STX12: variants seen among roughly 807,000 people sequenced by gnomAD.
The protein encoded by STX12 is syntaxin 12.
Under a neutral mutation model 42.2 loss-of-function variants are expected in STX12, and 17 were observed. That is an observed-to-expected ratio of 0.40 (90% CI 0.28 to 0.60). STX12 has a LOEUF of 0.60. Among genes scored for constraint, STX12 ranks in the 20% least tolerant of loss-of-function variants. The pLI, the probability that STX12 is intolerant of heterozygous loss-of-function variation, is 0.39. For synonymous variants in STX12, 108 were observed against 116.7 expected (o/e 0.93, Z 0.48); for missense variants, 297 against 330.9 (o/e 0.90, Z 0.79).
intron 1 of STX12, among the ~76,000 whole-genome samples, chr1:27,786,011 C>T (rs905171173): frequency 1.3e-5 from 2 of 152,170 alleles, no homozygotes; most frequent in African/African-American, 2.4e-5. Context: ...CATTCTTTTT[C>T]CTGTAAGAGT....
At chr1:27,783,520 G>A (rs1305531936) in intron 1 of STX12, among the ~76,000 whole-genome samples, 1 of 152,078 alleles carries the variant, frequency 6.6e-6, no homozygotes, top group Non-Finnish European at 1.5e-5. Flanking sequence ...TTTTAGTAGA[G>A]ATGGGGTTTC....
chr1:27,815,425 T>TA (rs1304694128), intron 6 of STX12, among the ~76,000 whole-genome samples: 1 of 152,234 alleles, frequency 6.6e-6, no homozygotes, highest in African/African-American at 2.4e-5. Flanking sequence ...ATTTGCTCTT[T>TA]AACTGAGTTG....
intron 1 of STX12, among the ~76,000 whole-genome samples, chr1:27,778,105 G>A (rs2088639247): frequency 1.3e-5 from 2 of 152,116 alleles, no homozygotes; most frequent in South Asian, 2.1e-4. Context: ...GCAAGGACTT[G>A]TACCCATTAA....
At chr1:27,808,073 G>A (rs2148605344) in intron 4 of STX12, among the ~76,000 whole-genome samples, 1 of 152,198 alleles carries the variant, frequency 6.6e-6, no homozygotes, top group Middle Eastern at 3.4e-3. Context: ...AGGGAGGGAT[G>A]GAGTTGTGAT....
chr1:27,807,722 A>T (rs1386094378), intron 4 of STX12, among the ~76,000 whole-genome samples: 1 of 152,206 alleles, frequency 6.6e-6, no homozygotes, highest in East Asian at 1.9e-4. Flanking sequence ...TTATACCAGG[A>T]TGTATGTACA....
intron 1 of STX12, among the ~76,000 whole-genome samples, chr1:27,780,758 C>G (rs1465174812): frequency 2.1e-4 from 32 of 151,850 alleles, no homozygotes; most frequent in African/African-American, 6.8e-4. Context: ...TTGAGACCAG[C>G]CTGGGCAACT....
intron 4 of STX12, among the ~76,000 whole-genome samples, chr1:27,808,311 T>TTTTATTTA (rs34435449): frequency 0.014 from 2,024 of 144,224 alleles, 24 homozygotes; most frequent in East Asian, 0.03. Flanking sequence ...TTGCTTTGTT[T>TTTTATTTA]TTTATTTATT....
At chr1:27,800,211 T>C (rs996900957) in intron 3 of STX12, among the ~76,000 whole-genome samples, 9 of 152,338 alleles carry the variant, frequency 5.9e-5, no homozygotes, top group African/African-American at 2.2e-4. Context: ...CACACTATTC[T>C]CTTGCTTGGA....
rs184715898 is a variant in STX12 at position 27,793,472 on chromosome 1, G to A, written c.189-61G>A. ...TATGAGACACTCTGAGAACAAAGTG[G>A]TTCTGTGTATAACCCTCTCAAGAAG... On this transcript the variant is annotated intron_variant, in intron 2 of 8. Transcript: ENST00000373943. 3.3e-3 allele frequency: 4,707 copies of A among 1,410,618 alleles called. 11 individuals carry two copies. The highest frequency in any genetic ancestry group is 0.014 in the Middle Eastern group (82 of 5,664). The allele number at this position is 1,410,618 out of a possible 1,614,324, so 87.4% of individuals were successfully genotyped here. A position where few individuals can be genotyped will look rare whatever the true frequency, so the allele number is the denominator to read the frequency against.
At chr1:27,776,084 AAAGGAAAGG>A (rs1203493332) in intron 1 of STX12, among the ~76,000 whole-genome samples, 1 of 152,210 alleles carries the variant, frequency 6.6e-6, no homozygotes, top group Non-Finnish European at 1.5e-5. Flanking sequence ...AAATGAAAAG[AAAGGAAAGG>A]ATAGGAGAGG....
At chr1:27,815,236 T>C (rs1042604708) in intron 6 of STX12, among the ~76,000 whole-genome samples, 3 of 152,166 alleles carry the variant, frequency 2.0e-5, no homozygotes, top group Non-Finnish European at 4.4e-5. Flanking sequence ...TGTACCGTTA[T>C]AGCAAAGTGG....
At chr1:27,793,701 C>CAA in intron 3 of STX12, 69 bp downstream of exon 3, 10 of 1,151,004 alleles carry the variant, frequency 8.7e-6, no homozygotes, top group Admixed American at 2.3e-5. Flanking sequence ...GTGTGTAGAA[C>CAA]AAAAAAAAAA....
chr1:27,794,242 GTAT>G (rs1441473590), intron 3 of STX12, among the ~76,000 whole-genome samples: 2 of 152,060 alleles, frequency 1.3e-5, no homozygotes, highest in Non-Finnish European at 2.9e-5. Context: ...TCCCATGCTG[GTAT>G]TGAACTTGTG....
chr1:27,790,231 C>T (rs995532132), intron 2 of STX12, among the ~76,000 whole-genome samples: 4 of 152,272 alleles, frequency 2.6e-5, no homozygotes, highest in African/African-American at 7.2e-5. Context: ...ACAATGAAGC[C>T]GTGGACCTTC....
At chr1:27,814,322 G>C (rs897919888) in intron 6 of STX12, among the ~76,000 whole-genome samples, 4 of 151,800 alleles carry the variant, frequency 2.6e-5, no homozygotes, top group African/African-American at 9.7e-5. Flanking sequence ...CTTGAGCCCA[G>C]GAATTCAAGA....
chr1:27,781,985 C>A (rs1043437206), intron 1 of STX12, among the ~76,000 whole-genome samples: 7 of 152,108 alleles, frequency 4.6e-5, no homozygotes, highest in Non-Finnish European at 2.9e-5. Flanking sequence ...TGAAGATTCT[C>A]TTATTCTCAT....
At chr1:27,799,477 G>GTTTTT (rs200472226) in intron 3 of STX12, among the ~76,000 whole-genome samples, 1,724 of 130,296 alleles carry the variant, frequency 0.013, 229 homozygotes, top group African/African-American at 0.052. Flanking sequence ...TCATTAGCTT[G>GTTTTT]TTTTTTTTTT....
At chr1:27,789,707 A>T in intron 2 of STX12, 76 bp downstream of exon 2, 1 of 1,134,718 alleles carries the variant, frequency 8.8e-7, no homozygotes. Context: ...ACAGCAGCTT[A>T]GGTTTCAGGT....
chr1:27,814,807 C>T (rs1236813264), intron 6 of STX12, among the ~76,000 whole-genome samples: 9 of 149,712 alleles, frequency 6.0e-5, no homozygotes, highest in Admixed American at 5.3e-4. Flanking sequence ...CAATTGCACT[C>T]CAGCCTGGCA....
Sources: allele counts gnomAD v4.1 joint callset (sites outside exome capture counted in the v4.1 genomes callset), GRCh38; gene constraint gnomAD v4.1.1; transcripts MANE v1.5; gene names NCBI Gene and HGNC (gene_info 2026-07-23, HGNC 2026-07-21).